The following NTN4 variants were observed in gnomAD, a reference collection of about 807,000 sequenced individuals.
NTN4 encodes netrin-4.
A neutral mutation model predicts 73.6 loss-of-function variants in NTN4; 32 were observed. That is an observed-to-expected ratio of 0.44 (90% CI 0.33 to 0.58). The LOEUF is 0.58. Among genes scored for constraint, NTN4 ranks in the 20% least tolerant of loss-of-function variants. NTN4 has a pLI of 0.04. For missense variants in NTN4, 654 were observed against 798.3 expected, an observed-to-expected ratio of 0.82 and a Z score of 2.18; for synonymous variants, 258 against 287.5, an observed-to-expected ratio of 0.90 and a Z score of 1.04.
chr12:95,787,500 C>G lies in NTN4; in HGVS notation c.56-32G>C, dbSNP rs780206770. ...AAGGGAAAGCATGCATGATGCAAGA[C>G]AAACCCATCTGGAAAGCTCTTTTGG... is the stretch of plus-strand genomic sequence containing the variant. On this transcript the variant is annotated intron_variant, in intron 1 of 9. Transcript: ENST00000343702. The G allele has an allele frequency of 1.1e-5, 17 of 1,598,588 alleles. No homozygotes were observed. In the Admixed American group the frequency reaches 2.9e-4, roughly 27 times the overall value.
At chr12:95,755,010 T>C (rs1194508974) in intron 2 of NTN4, among the ~76,000 whole-genome samples, 1 of 152,268 alleles carries the variant, frequency 6.6e-6, no homozygotes, top group African/African-American at 2.4e-5. Context: ...TATTGTTAGG[T>C]TGCTAATACA....
intron 2 of NTN4, among the ~76,000 whole-genome samples, chr12:95,748,318 G>A (rs1474378991): frequency 2.0e-5 from 3 of 151,094 alleles, no homozygotes; most frequent in East Asian, 1.9e-4. Context: ...TTCAAATATG[G>A]CATTGAAAAA....
At chr12:95,734,343 G>A (rs2078760134) in intron 3 of NTN4, among the ~76,000 whole-genome samples, 1 of 152,180 alleles carries the variant, frequency 6.6e-6, no homozygotes, top group Non-Finnish European at 1.5e-5. Context: ...TGGAGGGGTT[G>A]TTAAACATAG....
chr12:95,693,632 G>A (rs941671113), intron 5 of NTN4, among the ~76,000 whole-genome samples: 3 of 151,048 alleles, frequency 2.0e-5, no homozygotes, highest in Non-Finnish European at 2.9e-5. Flanking sequence ...TCAGGAGGCT[G>A]AGGCAGGAGA....
chr12:95,740,562 A>G (rs11108229), intron 2 of NTN4, among the ~76,000 whole-genome samples: 1,766 of 152,266 alleles, frequency 0.012, 37 homozygotes, highest in African/African-American at 0.04. Flanking sequence ...CCAGGACTTC[A>G]TGATCTCATT....
rs112729805 is a variant in NTN4, at chr12:95,687,376, GA to G, written c.1181-3666del. Among the ~76,000 whole-genome samples the G allele has an allele frequency of 2.7e-3, 396 of 148,606 alleles. 3 individuals carry two copies. The highest frequency in any genetic ancestry group is 6.6e-3 in the African/African-American group (271 of 40,762). On this transcript the variant is annotated intron_variant, in intron 5 of 9. Transcript: ENST00000343702. ...ACATTCCATGTAAAAATAATTTGGT[GA>G]AAAAAAATTTTTTTTTTTGTTTTTT... is the stretch of plus-strand genomic sequence containing the variant.
chr12:95,658,958 C>A lies in NTN4; in HGVS notation c.*128G>T. 1.3e-6 allele frequency: 1 copy of A among 768,260 alleles called. No individual in the cohort carries two copies. Among genetic ancestry groups the A allele is most frequent in the Non-Finnish European group, 2.1e-6 (1 of 478,534 alleles). The allele number at this position is 768,260 out of a possible 1,614,324, so 47.6% of individuals were successfully genotyped here. A position where few individuals can be genotyped will look rare whatever the true frequency, so the allele number is the denominator to read the frequency against. On this transcript the variant is annotated 3_prime_UTR_variant, in exon 10 of 10. Transcript: ENST00000343702. ...CAGAAGAGATAAGTTAGATAAGACC[C>A]ATGCATTCAAACATTTCTATATGTT...
intron 3 of NTN4, among the ~76,000 whole-genome samples, chr12:95,732,636 T>G (rs1419422234): frequency 6.6e-6 from 1 of 152,170 alleles, no homozygotes; most frequent in East Asian, 1.9e-4. Context: ...TGACTTCAGG[T>G]GATCCGCCTG....
intron 5 of NTN4, among the ~76,000 whole-genome samples, chr12:95,704,915 C>A (rs181220068): frequency 1.4e-4 from 21 of 152,288 alleles, no homozygotes; most frequent in Non-Finnish European, 4.4e-5. Flanking sequence ...CATCTACCTC[C>A]TATACATTAT....
At chr12:95,682,921 C>A in intron 6 of NTN4, 99 bp from the exon 7 acceptor site, 1 of 635,634 alleles carries the variant, frequency 1.6e-6, no homozygotes, top group Non-Finnish European at 2.7e-6. Context: ...TCTGCCTTCC[C>A]ATTCTTCCTT....
chr12:95,675,748 A>G (rs1224100749), intron 7 of NTN4, among the ~76,000 whole-genome samples: 1 of 152,240 alleles, frequency 6.6e-6, no homozygotes, highest in East Asian at 1.9e-4. Context: ...GTCCGCTTTC[A>G]GAATCAGGCA....
intron 2 of NTN4, among the ~76,000 whole-genome samples, chr12:95,761,964 A>G (rs186390427): frequency 3.3e-5 from 5 of 152,030 alleles, no homozygotes; most frequent in African/African-American, 1.2e-4. Context: ...CCTCCTGTTT[A>G]TCTCCTCAAT....
intron 1 of NTN4, among the ~76,000 whole-genome samples, chr12:95,788,878 AC>A (rs2079187793): frequency 6.6e-6 from 1 of 152,292 alleles, no homozygotes; most frequent in South Asian, 2.1e-4. Flanking sequence ...AAAATCATAT[AC>A]TGCCTGTACA....
chr12:95,672,850 AT>A, intron 7 of NTN4: 1 of 1,381,982 alleles, frequency 7.2e-7, no homozygotes, highest in Non-Finnish European at 1.0e-6. Flanking sequence ...ATGGGTACTG[AT>A]TGCAGCCCAT....
intron 3 of NTN4, 24 bp from the exon 4 acceptor site, chr12:95,713,362 C>T (rs1402632847): frequency 1.9e-6 from 3 of 1,556,018 alleles, no homozygotes; most frequent in South Asian, 1.2e-5. Context: ...CAAGTGAGAA[C>T]TATGAGCACA....
intron 3 of NTN4, among the ~76,000 whole-genome samples, chr12:95,737,465 A>G (rs1045537121): frequency 6.6e-6 from 1 of 152,204 alleles, no homozygotes; most frequent in East Asian, 1.9e-4. Context: ...GACAGCAAAG[A>G]TACCAGGCAT....
At chr12:95,721,607 C>T (rs544574933) in intron 3 of NTN4, among the ~76,000 whole-genome samples, 2 of 152,220 alleles carry the variant, frequency 1.3e-5, no homozygotes, top group South Asian at 4.1e-4. Context: ...TGGATAGCAC[C>T]TCCTTTATGT....
rs371442090 is a variant in NTN4 at position 95,682,698 on chromosome 12, C to A, written c.1510+9G>T. On this transcript the variant is annotated intron_variant, in intron 7 of 9. Coordinates refer to ENST00000343702, the MANE Select transcript of NTN4 (RefSeq NM_021229.4). The stretch of plus-strand genomic sequence containing the variant: ...CTGAAAATATGATGCCTGGTTACAT[C>A]CATCTCACCTGAGTGTAGAAGTGCA... 1 of 1,579,618 alleles carries A rather than the reference C, an allele frequency of 6.3e-7. No homozygotes were observed. Among genetic ancestry groups the A allele is most frequent in the Admixed American group, 1.7e-5 (1 of 59,724 alleles).
At chr12:95,678,605 G>A (rs540436156) in intron 7 of NTN4, among the ~76,000 whole-genome samples, 1 of 151,978 alleles carries the variant, frequency 6.6e-6, no homozygotes, top group African/African-American at 2.4e-5. Context: ...TCAAATTTGG[G>A]AAAACATTGT....
Sources: allele counts gnomAD v4.1 joint callset (sites outside exome capture counted in the v4.1 genomes callset), GRCh38; gene constraint gnomAD v4.1.1; transcripts MANE v1.5; gene names NCBI Gene and HGNC (gene_info 2026-07-23, HGNC 2026-07-21).